The following BOD1L1 variants were observed in gnomAD, a reference collection of about 807,000 sequenced individuals.
BOD1L1 encodes biorientation of chromosomes in cell division protein 1-like 1.
Under a neutral mutation model 240.7 loss-of-function variants are expected in BOD1L1, and 86 were observed. The observed-to-expected ratio is 0.36, with a 90% CI of 0.30 to 0.43. The LOEUF (loss-of-function observed/expected upper bound fraction) is 0.43. Ranked by LOEUF, BOD1L1 falls within the 20% of genes least tolerant of loss-of-function variation. The pLI is 1.00. For missense variants in BOD1L1, 3,554 were observed against 3,643.5 expected, an observed-to-expected ratio of 0.98 and a Z score of 0.63; for synonymous variants, 1,268 against 1,272.3, an observed-to-expected ratio of 1.00 and a Z score of 0.07.
chr4:13,592,233 T>TATATTACATTAC, intron 12 of BOD1L1: 1 of 368,316 alleles, frequency 2.7e-6, no homozygotes, highest in Non-Finnish European at 4.9e-6. Flanking sequence ...ATCACTATGG[T>TATATTACATTAC]GATTTAACTA....
At chr4:13,609,718 G>C (rs1314471792) in intron 6 of BOD1L1, among the ~76,000 whole-genome samples, 2 of 152,074 alleles carry the variant, frequency 1.3e-5, no homozygotes, top group Non-Finnish European at 2.9e-5. Flanking sequence ...TAAATAAGCT[G>C]GTTGTTTCAA....
chr4:13,611,347 T>A (rs1025050753), intron 5 of BOD1L1, among the ~76,000 whole-genome samples: 1 of 152,198 alleles, frequency 6.6e-6, no homozygotes. Context: ...AAGGAAAATT[T>A]CAGACAAATT....
At position 13,613,669 on chromosome 4, in the gene BOD1L1, C is replaced by A. The variant is rs2109917; in HGVS notation, c.1175-8G>T. The A allele has an allele frequency of 0.8, 1,196,196 of 1,487,986 alleles. 489,152 individuals are homozygous for A. The highest frequency in any genetic ancestry group is 0.96 in the East Asian group (41,152 of 42,830). 92.2% of individuals were successfully genotyped at this position (1,487,986 alleles called of 1,614,324 possible). A position where few individuals can be genotyped will look rare whatever the true frequency, so the allele number is the denominator to read the frequency against. ...AATCTATCAAAGAGAAATCTTCAAG[C>A]GGAAAATAAAACACAGAAAAAAAAA... On this transcript the variant is annotated splice_region_variant and splice_polypyrimidine_tract_variant and intron_variant, in intron 4 of 25. Coordinates refer to ENST00000040738, the MANE Select transcript of BOD1L1 (RefSeq NM_148894.3). The surrounding 1 kb of genome is among the most constrained non-coding windows in gnomAD (Gnocchi z 4.0).
In BOD1L1 at chr4:13,627,690, T is replaced by C. The variant is rs141077804; in HGVS notation, c.-103A>G. The C allele has an allele frequency of 1.4e-3, 1,382 of 973,232 alleles. 1 individual carries two copies. Among genetic ancestry groups the C allele is most frequent in the Non-Finnish European group, 1.6e-3 (1,312 of 813,956 alleles). 60.3% of individuals were successfully genotyped at this position (973,232 alleles called of 1,614,324 possible). Reference sequence around the variant, plus strand: ...CCTGAGGGAAGCCAACGGGATGTTGTTACGGAACCAGCGGATCCAGAGCAA... The same window carrying C: ...CCTGAGGGAAGCCAACGGGATGTTGCTACGGAACCAGCGGATCCAGAGCAA... On this transcript the variant is annotated 5_prime_UTR_variant, in exon 1 of 26. Transcript: ENST00000040738.
Position 13,598,933 on chromosome 4 carries a change from TAC to T in BOD1L1, c.7954+11_7954+12del, listed in dbSNP as rs777810109. ...GTAAATATTAAAATTTGCAATTAGG[TAC>T]AGATTCTCACCTATGTCACACACAT... On this transcript the variant is annotated intron_variant, in intron 10 of 25. Coordinates refer to ENST00000040738, the MANE Select transcript of BOD1L1 (RefSeq NM_148894.3). The T allele has an allele frequency of 6.3e-7, 1 of 1,582,802 alleles. No homozygotes were observed. Among genetic ancestry groups the T allele is most frequent in the Non-Finnish European group, 8.6e-7 (1 of 1,161,844 alleles).
chr4:13,620,523 T>C lies in BOD1L1; in HGVS notation c.244-456A>G, dbSNP rs146769898. On this transcript the variant is annotated intron_variant, in intron 1 of 25. Transcript: ENST00000040738. Reference sequence around the variant, plus strand: ...CAGGAGCATTTAGTGAGCCTCCAAATTGGTGGTCCAATTTGGCTATAGAAG... The same window carrying C: ...CAGGAGCATTTAGTGAGCCTCCAAACTGGTGGTCCAATTTGGCTATAGAAG... Among the ~76,000 whole-genome samples, 615 of 152,254 alleles carry C rather than the reference T, an allele frequency of 4.0e-3. 3 individuals are homozygous for C. The highest frequency in any genetic ancestry group is 0.014 in the African/African-American group (562 of 41,546).
Position 13,602,758 on chromosome 4 carries a change from T to C in BOD1L1, c.4142A>G (p.Lys1381Arg). 1 of 1,614,014 alleles carries C rather than the reference T, an allele frequency of 6.2e-7. No homozygotes were observed. The highest frequency in any genetic ancestry group is 8.5e-7 in the Non-Finnish European group (1 of 1,179,892). Reference protein sequence around the residue: ...QATLLDGKQGKVIMPLGSKLT... With the variant: ...QATLLDGKQGRVIMPLGSKLT... Reference sequence around the variant, plus strand: ...CTTACTTCCAAGAGGCATGATTACCTTTCCTTGTTTACCATCCAATAAAGT... The same window carrying C: ...CTTACTTCCAAGAGGCATGATTACCCTTCCTTGTTTACCATCCAATAAAGT... The change falls in exon 10 of 26, where the codon AAG becomes AGG. Residue 1381 changes from lysine to arginine, a missense_variant. Lys to Arg is a conservative substitution (Grantham distance 26). Around this residue, in one of 2 missense-constraint regions of BOD1L1, gnomAD observed 3,393 missense variants for 3,427.1 expected, o/e 0.99. Coordinates refer to ENST00000040738, the MANE Select transcript of BOD1L1 (RefSeq NM_148894.3).
intron 15 of BOD1L1, among the ~76,000 whole-genome samples, chr4:13,588,206 A>G (rs1713883629): frequency 6.6e-6 from 1 of 152,100 alleles, no homozygotes; most frequent in East Asian, 1.9e-4. Flanking sequence ...AAAAAAAGAA[A>G]AAAAAATCTA....
chr4:13,603,478 C>A lies in BOD1L1; in HGVS notation c.3422G>T (p.Arg1141Leu). The A allele has an allele frequency of 3.1e-6, 5 of 1,613,860 alleles. No homozygotes were observed. The highest frequency in any genetic ancestry group is 2.2e-5 in the South Asian group (2 of 91,048). The change falls in exon 10 of 26, where the codon CGC becomes CTC. Residue 1141 changes from arginine to leucine, a missense_variant. Coordinates refer to ENST00000040738, the MANE Select transcript of BOD1L1 (RefSeq NM_148894.3). The part of the protein sequence containing the change: ...VFEVSKTQDN[R>L]NNNSQQDIDS... ...AATGTCTTGCTGAGAATTATTATTG[C>A]GGTTGTCTTGGGTTTTAGATACTTC...
At chr4:13,607,580 G>A (rs1369872428) in intron 8 of BOD1L1, among the ~76,000 whole-genome samples, 1 of 152,224 alleles carries the variant, frequency 6.6e-6, no homozygotes, top group Non-Finnish European at 1.5e-5. Flanking sequence ...TTAAAGGCGT[G>A]AGCCACCGCG....
intron 18 of BOD1L1, 59 bp downstream of exon 18, chr4:13,582,593 G>C: frequency 7.7e-7 from 1 of 1,297,334 alleles, no homozygotes; most frequent in Non-Finnish European, 1.1e-6. Flanking sequence ...TTTCGGTTGA[G>C]AGACACGCTG....
Position 13,603,670 on chromosome 4 carries a change from C to T in BOD1L1, c.3230G>A (p.Ser1077Asn). The T allele has an allele frequency of 6.2e-7, 1 of 1,613,932 alleles. No individual in the cohort carries two copies. Among genetic ancestry groups the T allele is most frequent in the Non-Finnish European group, 8.5e-7 (1 of 1,179,876 alleles). ...SRRLCENRRGSLSQEMAKGEE... is the reference protein window; with the variant it reads ...SRRLCENRRGNLSQEMAKGEE... ...TCCTTTGGCCATTTCTTGTGACAAG[C>T]TTCCTCTCCGATTTTCGCACAACCT... Residue 1077 changes from serine (S) to asparagine (N), a missense_variant, in exon 10 of 26, where the codon AGC becomes AAC. Physicochemically the swap from Ser to Asn is conservative, Grantham distance 46. Transcript: ENST00000040738.
rs757397482 is a variant in BOD1L1, at chr4:13,599,661, G to A, written c.7239C>T (p.Val2413=). 1.2e-6 allele frequency: 2 copies of A among 1,613,850 alleles called. No homozygotes were observed. Among genetic ancestry groups the A allele is most frequent in the African/African-American group, 1.3e-5 (1 of 74,928 alleles). ...STEEGHNGPS[V]HKPSAGQGHP... is the part of the protein sequence containing the mutation. ...GGCCTTGCCCTGCAGAGGGCTTGTG[G>A]ACTGATGGCCCGTTGTGCCCCTCCT... is the stretch of plus-strand genomic sequence containing the variant. Residue 2413 remains valine, a synonymous_variant, in exon 10 of 26, where the codon GTC becomes GTT. Transcript: ENST00000040738.
At chr4:13,623,489 A>C (rs1717176861) in intron 1 of BOD1L1, 1 of 152,242 alleles carries the variant, frequency 6.6e-6, no homozygotes, top group Non-Finnish European at 1.5e-5. Context: ...GTAACCACTA[A>C]GCTTGCTCCA....
Position 13,610,985 on chromosome 4 carries a change from G to A in BOD1L1, c.1440C>T (p.Tyr480=). The stretch of plus-strand genomic sequence containing the variant: ...TAAGCTCATCATCAGAATCACTATA[G>A]TATTTTGAGTAAAGATATGGTTTGT... ...YVHKPYLYSK[Y]YSDSDDELTV... Residue 480 remains tyrosine, a synonymous_variant, in exon 6 of 26, where the codon TAC becomes TAT. Coordinates refer to ENST00000040738, the MANE Select transcript of BOD1L1 (RefSeq NM_148894.3). 1 of 1,612,412 alleles carries A rather than the reference G, an allele frequency of 6.2e-7. No individual in the cohort carries two copies. The highest frequency in any genetic ancestry group is 1.3e-5 in the African/African-American group (1 of 74,976).
chr4:13,582,171 T>A, intron 19 of BOD1L1, 66 bp downstream of exon 19: 1 of 1,335,720 alleles, frequency 7.5e-7, no homozygotes, highest in Non-Finnish European at 1.1e-6. Flanking sequence ...TAACAGTATT[T>A]AATGAATTTA....
chr4:13,587,711 C>T lies in BOD1L1; in HGVS notation c.8341G>A (p.Glu2781Lys). 1 of 1,555,064 alleles carries T rather than the reference C, an allele frequency of 6.4e-7. No homozygotes were observed. Among genetic ancestry groups the T allele is most frequent in the East Asian group, 2.4e-5 (1 of 42,528 alleles). Residue 2781 changes from glutamate (E) to lysine (K), a missense_variant, in exon 16 of 26, where the codon GAA (glutamate) becomes AAA (lysine). Physicochemically the swap from Glu to Lys is moderately conservative, Grantham distance 56 (BLOSUM62 1). Transcript: ENST00000040738. ...RKRKQHYLSS[E>K]DEPDDNPDVL... ...TAAATATAAATACCTGGTTCATCTT[C>T]TGAAGAGAGATAATGCTGCTTTCTT...
At chr4:13,606,999 A>C (rs1715759081) in intron 9 of BOD1L1, 118 bp downstream of exon 9, 1 of 646,132 alleles carries the variant, frequency 1.5e-6, no homozygotes, top group Non-Finnish European at 2.4e-6. Flanking sequence ...GCTGAATGTA[A>C]GTTGACTTTT....
rs1251777006 is a variant in BOD1L1 at position 13,603,521 on chromosome 4, C to T, written c.3379G>A (p.Gly1127Ser). 6.2e-7 allele frequency: 1 copy of T among 1,614,016 alleles called. No individual in the cohort carries two copies. Among genetic ancestry groups the T allele is most frequent in the South Asian group, 1.1e-5 (1 of 91,090 alleles). The change falls in exon 10 of 26, where the codon GGT becomes AGT. Residue 1127 changes from glycine (G) to serine (S), a missense_variant. Around this residue, in one of 2 missense-constraint regions of BOD1L1, gnomAD observed 3,393 missense variants for 3,427.1 expected, o/e 0.99. Transcript: ENST00000040738. ...GATACTTCAAACACATTTTCAACAC[C>T]TGGCTCAGAATCAATTTCCATTGGC... ...QEPMEIDSEP[G>S]VENVFEVSKT...
Sources: allele counts gnomAD v4.1 joint callset (sites outside exome capture counted in the v4.1 genomes callset), GRCh38; gene constraint gnomAD v4.1.1; regional missense constraint gnomAD v4.1.1; non-coding constraint Gnocchi (gnomAD v3.1); transcripts MANE v1.5; gene names NCBI Gene and HGNC (gene_info 2026-07-23, HGNC 2026-07-21).